Variants in CD109 observed in about 807,000 individuals in gnomAD.
CD109 encodes the protein CD109 molecule.
CD109 carries 149 observed loss-of-function variants against 165.8 expected under a neutral mutation model. That is an observed-to-expected ratio of 0.90 (90% CI 0.79 to 1.03). The LOEUF is 1.03. Among genes scored for constraint, CD109 ranks in the 50% least tolerant of loss-of-function variants. CD109 has a pLI of 0.00. For missense variants in CD109, 1,712 were observed against 1,677.8 expected, an observed-to-expected ratio of 1.02 and a Z score of -0.36; for synonymous variants, 585 against 592.1, an observed-to-expected ratio of 0.99 and a Z score of 0.18.
intron 3 of CD109, among the ~76,000 whole-genome samples, chr6:73,728,657 G>A (rs1242694854): frequency 6.6e-6 from 1 of 152,050 alleles, no homozygotes; most frequent in Non-Finnish European, 1.5e-5. Context: ...TGTTGACAGT[G>A]GTTTCTTGCA....
upstream of CD109, chr6:73,694,305 C>T (rs1770749528): frequency 6.6e-6 from 1 of 152,202 alleles, no homozygotes; most frequent in Non-Finnish European, 1.5e-5. Flanking sequence ...ATAGCCTCAT[C>T]TCTATGCAAA....
In CD109 at chr6:73,815,138, A is replaced by G. The variant is rs185470785; in HGVS notation, c.3911+15A>G. Reference sequence around the variant, plus strand: ...GTGTGTACAAGGTAAGTGTCTGCTTAGGTCTCTCTTCTTTTTTTCCTTTAA... The same window carrying G: ...GTGTGTACAAGGTAAGTGTCTGCTTGGGTCTCTCTTCTTTTTTTCCTTTAA... On this transcript the variant is annotated intron_variant, in intron 30 of 32. Coordinates refer to ENST00000287097, the MANE Select transcript of CD109 (RefSeq NM_133493.5). 408 of 1,549,048 alleles carry G rather than the reference A, an allele frequency of 2.6e-4. 3 individuals are homozygous for G. The East Asian group carries it at 9.4e-3, about 36-fold the overall frequency.
At chr6:73,696,069 C>T (rs1166732088), upstream of CD109, 1 of 711,222 alleles carries the variant, frequency 1.4e-6, no homozygotes, top group Non-Finnish European at 2.4e-6. Flanking sequence ...ATTTAGATCT[C>T]TCACTCTGCT....
intron 15 of CD109, among the ~76,000 whole-genome samples, chr6:73,780,183 A>G (rs1019173181): frequency 1.3e-5 from 2 of 152,182 alleles, no homozygotes; most frequent in Admixed American, 6.5e-5. Context: ...CCCTGGCAGA[A>G]CTCAAGTCCA....
At chr6:73,780,382 G>A (rs1449134378) in intron 15 of CD109, 42 bp from the exon 16 acceptor site, 5 of 1,167,058 alleles carry the variant, frequency 4.3e-6, no homozygotes, top group Non-Finnish European at 3.9e-6. Context: ...GTGGAAAGTT[G>A]TTATGAATCC....
chr6:73,733,518 G>A (rs1772441079), intron 4 of CD109, among the ~76,000 whole-genome samples: 2 of 152,180 alleles, frequency 1.3e-5, no homozygotes, highest in Admixed American at 6.5e-5. Flanking sequence ...TGTCTCCCAC[G>A]CTTCTGGCCT....
At chr6:73,742,578 C>T (rs139345705) in intron 5 of CD109, among the ~76,000 whole-genome samples, 4 of 152,364 alleles carry the variant, frequency 2.6e-5, no homozygotes, top group Non-Finnish European at 4.4e-5. Flanking sequence ...GCGTGACCCA[C>T]GCACTGGTGC....
At chr6:73,762,683 A>G (rs1349746950) in intron 8 of CD109, 58 bp from the exon 9 acceptor site, 1 of 1,409,718 alleles carries the variant, frequency 7.1e-7, no homozygotes, top group East Asian at 2.3e-5. Flanking sequence ...TTTGAGTTTT[A>G]TTTCTAAAAT....
chr6:73,754,125 G>T (rs1773295832), intron 5 of CD109, among the ~76,000 whole-genome samples: 2 of 152,186 alleles, frequency 1.3e-5, no homozygotes. Flanking sequence ...TTTGAAAGAG[G>T]CTAAATCCAG....
intron 5 of CD109, among the ~76,000 whole-genome samples, chr6:73,738,163 T>TGTAA (rs1276492098): frequency 6.6e-6 from 1 of 152,170 alleles, no homozygotes; most frequent in African/African-American, 2.4e-5. Context: ...CAGTCCAGCT[T>TGTAA]GGTGATAAAG....
chr6:73,700,790 GTTTTTTTTT>G lies in CD109; in HGVS notation c.247+3239_247+3247del, dbSNP rs58140668. Among the ~76,000 whole-genome samples the G allele has an allele frequency of 5.8e-5, 3 of 51,478 alleles. No homozygotes were observed. In the East Asian group the frequency reaches 1.8e-3, roughly 31 times the overall value. 33.8% of individuals were successfully genotyped at this position (51,478 alleles called of 152,430 possible). A position where few individuals can be genotyped will look rare whatever the true frequency, so the allele number is the denominator to read the frequency against. ...CTACATTTATTGGGGATTGATTGTA[GTTTTTTTTT>G]TTTTTTTTTTTTTTTTTTTTGAGAC... On this transcript the variant is annotated intron_variant, in intron 2 of 32. Coordinates refer to ENST00000287097, the MANE Select transcript of CD109 (RefSeq NM_133493.5).
At position 73,709,841 on chromosome 6, in the gene CD109, C is replaced by A. The variant is rs946058175; in HGVS notation, c.247+12269C>A. Among the ~76,000 whole-genome samples the A allele has an allele frequency of 5.9e-5, 9 of 152,072 alleles. No individual in the cohort carries two copies. The East Asian group carries it at 1.5e-3, about 26-fold the overall frequency. ...TATAAACAGAACCAAAGACAAAAAC[C>A]ACATGATTATCTCAACAGATGCAGA... On this transcript the variant is annotated intron_variant, in intron 2 of 32. Transcript: ENST00000287097.
chr6:73,821,369 G>C (rs973824443), intron 32 of CD109, among the ~76,000 whole-genome samples: 1 of 152,080 alleles, frequency 6.6e-6, no homozygotes, highest in Non-Finnish European at 1.5e-5. Flanking sequence ...CCCGTTACTG[G>C]ATATATACCC....
At chr6:73,687,106 A>G in the CD109 span, among the ~76,000 whole-genome samples, 6 of 152,226 alleles carry the variant, frequency 3.9e-5, no homozygotes, top group African/African-American at 1.4e-4. Flanking sequence ...GTCTAGATCT[A>G]TTAATTCACA....
At chr6:73,788,398 A>G (rs1263777889) in intron 21 of CD109, 70 bp from the exon 22 acceptor site, 6 of 1,396,624 alleles carry the variant, frequency 4.3e-6, no homozygotes, top group Non-Finnish European at 5.8e-6. Context: ...GTTTGTGCTC[A>G]TATCTGCGTA....
chr6:73,789,514 C>T (rs969522899), intron 22 of CD109, among the ~76,000 whole-genome samples: 5 of 151,318 alleles, frequency 3.3e-5, no homozygotes, highest in African/African-American at 9.7e-5. Context: ...AGTGCAGTGG[C>T]GCGAACTTGG....
At chr6:73,772,700 G>T (rs1383358298) in intron 15 of CD109, among the ~76,000 whole-genome samples, 1 of 151,778 alleles carries the variant, frequency 6.6e-6, no homozygotes, top group Non-Finnish European at 1.5e-5. Flanking sequence ...ATATATTCTT[G>T]TGTACCATTG....
the CD109 span, among the ~76,000 whole-genome samples, chr6:73,679,621 C>CT: frequency 5.1e-4 from 68 of 132,584 alleles, no homozygotes; most frequent in Admixed American, 2.6e-3. Context: ...TTTTTCTTTT[C>CT]TTTTCTGTTT....
At chr6:73,710,645 T>C (rs564429840) in intron 2 of CD109, among the ~76,000 whole-genome samples, 1 of 152,306 alleles carries the variant, frequency 6.6e-6, no homozygotes, top group Admixed American at 6.5e-5. Context: ...ATATTAATAC[T>C]GATGCCTGAC....
Sources: gnomAD v4.1 joint callset for allele counts (sites outside exome capture counted in the v4.1 genomes callset) on GRCh38, gnomAD v4.1.1 for gene constraint, MANE v1.5 for transcripts, NCBI Gene and HGNC (gene_info 2026-07-23, HGNC 2026-07-21) for gene names.